The following XYLB variants were observed in gnomAD, a reference collection of about 807,000 sequenced individuals.
XYLB encodes xylulose kinase.
XYLB carries 62 observed loss-of-function variants against 78.7 expected under a neutral mutation model. The ratio of observed to expected loss-of-function variants is 0.79; its 90% confidence interval spans 0.64 to 0.97. The LOEUF is 0.97. Among genes scored for constraint, XYLB ranks in the 50% least tolerant of loss-of-function variants. XYLB has a pLI of 0.00. For synonymous variants in XYLB, 245 were observed against 247.4 expected, an observed-to-expected ratio of 0.99 and a Z score of 0.09; for missense variants, 687 against 676.8, an observed-to-expected ratio of 1.02 and a Z score of -0.17.
At chr3:38,396,904 A>T (rs761510549) in intron 16 of XYLB, among the ~76,000 whole-genome samples, 168 bp from the exon 17 acceptor site, 1 of 152,136 alleles carries the variant, frequency 6.6e-6, no homozygotes, top group African/African-American at 2.4e-5. Flanking sequence ...TCCTGACTCT[A>T]TTATCACCAG....
At chr3:38,357,392 C>CTT (rs56176736) in intron 2 of XYLB, among the ~76,000 whole-genome samples, 2,042 of 145,270 alleles carry the variant, frequency 0.014, 47 homozygotes, top group African/African-American at 0.045. Context: ...TCTCTACATC[C>CTT]TTTTTTTTTT....
chr3:38,378,761 C>T (rs1371414500), intron 14 of XYLB, among the ~76,000 whole-genome samples: 1 of 150,430 alleles, frequency 6.6e-6, no homozygotes, highest in Non-Finnish European at 1.5e-5. Flanking sequence ...CCCATCAGTG[C>T]TAGCTTGAAG....
downstream of XYLB, among the ~76,000 whole-genome samples, chr3:38,418,526 G>GAT (rs574275596): frequency 1.0e-3 from 159 of 152,216 alleles, 2 homozygotes; most frequent in East Asian, 0.021. Flanking sequence ...TGAAATTATT[G>GAT]ATAACAGCGA....
At chr3:38,378,476 G>A (rs1056407131) in intron 14 of XYLB, among the ~76,000 whole-genome samples, 1 of 152,178 alleles carries the variant, frequency 6.6e-6, no homozygotes, top group Non-Finnish European at 1.5e-5. Flanking sequence ...ACAGAGTGCC[G>A]CAAAGGAAAG....
chr3:38,397,222 G>T, intron 17 of XYLB, 63 bp downstream of exon 17: 3 of 1,467,154 alleles, frequency 2.0e-6, no homozygotes, highest in Non-Finnish European at 9.6e-7. Context: ...GGGCTGAGGA[G>T]GGTGGAAAGG....
At chr3:38,357,466 A>G (rs1705717610) in intron 2 of XYLB, among the ~76,000 whole-genome samples, 2 of 150,624 alleles carry the variant, frequency 1.3e-5, no homozygotes, top group African/African-American at 4.9e-5. Context: ...GGCTCACTGC[A>G]AGCTCCACCT....
At chr3:38,411,719 C>T (rs894737723) in intron 18 of XYLB, among the ~76,000 whole-genome samples, 15 of 151,168 alleles carry the variant, frequency 9.9e-5, no homozygotes, top group Non-Finnish European at 2.1e-4. Flanking sequence ...CTCTGTTTTC[C>T]TTGAGATCTC....
At chr3:38,450,189 C>T in the XYLB span, among the ~76,000 whole-genome samples, 23 of 152,282 alleles carry the variant, frequency 1.5e-4, no homozygotes, top group African/African-American at 5.5e-4. Flanking sequence ...AATGTCTAAC[C>T]AGGGCCTCTC....
At chr3:38,369,931 C>G in intron 8 of XYLB, 125 bp from the exon 9 acceptor site, 7 of 832,622 alleles carry the variant, frequency 8.4e-6, no homozygotes, top group Non-Finnish European at 1.4e-5. Context: ...TATATACCTT[C>G]CATGAAGAAA....
chr3:38,379,963 TAG>T (rs1707067626), intron 15 of XYLB, among the ~76,000 whole-genome samples: 1 of 152,214 alleles, frequency 6.6e-6, no homozygotes, highest in East Asian at 1.9e-4. Flanking sequence ...GCCTGCTTGC[TAG>T]TAGGGCTCTC....
At position 38,413,265 on chromosome 3, in the gene XYLB, G is replaced by A. The variant is rs1044907494; in HGVS notation, c.*252G>A. 6 of 421,130 alleles carry A rather than the reference G, an allele frequency of 1.4e-5. No individual in the cohort carries two copies. The highest frequency in any genetic ancestry group is 2.5e-5 in the Non-Finnish European group (6 of 241,768). The allele number at this position is 421,130 out of a possible 1,614,324, so 26.1% of individuals were successfully genotyped here. A position where few individuals can be genotyped will look rare whatever the true frequency, so the allele number is the denominator to read the frequency against. ...CTTTTCCTGTCTTTTATCCCAGGAG[G>A]CAGGACAACACTGAGACTGGGATAT... On this transcript the variant is annotated 3_prime_UTR_variant, in exon 19 of 19. Transcript: ENST00000207870.
intron 18 of XYLB, among the ~76,000 whole-genome samples, chr3:38,408,457 A>T (rs1708425702): frequency 6.6e-6 from 1 of 150,778 alleles, no homozygotes. Flanking sequence ...TGACACCCTA[A>T]CATCACAATT....
intron 1 of XYLB, among the ~76,000 whole-genome samples, chr3:38,347,487 G>A (rs577663101): frequency 6.6e-6 from 1 of 152,268 alleles, no homozygotes; most frequent in East Asian, 1.9e-4. Flanking sequence ...AGACCAGCCT[G>A]GGCAATATGG....
intron 18 of XYLB, among the ~76,000 whole-genome samples, chr3:38,412,674 C>T (rs1708642677): frequency 6.6e-6 from 1 of 152,172 alleles, no homozygotes; most frequent in Admixed American, 6.5e-5. Context: ...TTTCTAGGTA[C>T]TCTCACCAGA....
chr3:38,373,208 T>C (rs1706666996), intron 10 of XYLB, among the ~76,000 whole-genome samples: 1 of 152,114 alleles, frequency 6.6e-6, no homozygotes, highest in Non-Finnish European at 1.5e-5. Flanking sequence ...CCTCTTCTCT[T>C]CCTCCTCCTC....
chr3:38,365,567 G>C (rs1706208772), intron 5 of XYLB, 41 bp from the exon 6 acceptor site: 1 of 1,573,546 alleles, frequency 6.4e-7, no homozygotes, highest in South Asian at 1.2e-5. Context: ...CTCCAAGTCA[G>C]CGGATGGAGC....
chr3:38,437,009 AATAATAAT>A, the XYLB span, among the ~76,000 whole-genome samples: 10 of 111,738 alleles, frequency 8.9e-5, no homozygotes, highest in East Asian at 3.5e-3. Context: ...TTCTAAAAAT[AATAATAAT>A]AATAATAATA....
chr3:38,396,547 G>A (rs1707877330), intron 16 of XYLB, among the ~76,000 whole-genome samples: 1 of 152,076 alleles, frequency 6.6e-6, no homozygotes, highest in African/African-American at 2.4e-5. Context: ...GATCTGGGTC[G>A]GCATCAGTGG....
chr3:38,383,448 T>C (rs901236080), intron 15 of XYLB, among the ~76,000 whole-genome samples: 1 of 152,152 alleles, frequency 6.6e-6, no homozygotes, highest in African/African-American at 2.4e-5. Flanking sequence ...GTTGTTTAGG[T>C]TGATTGTAAA....
Sources: allele counts gnomAD v4.1 joint callset (sites outside exome capture counted in the v4.1 genomes callset), GRCh38; gene constraint gnomAD v4.1.1; transcripts MANE v1.5; gene names NCBI Gene and HGNC (gene_info 2026-07-23, HGNC 2026-07-21).